ADARB2: variants seen among roughly 807,000 people sequenced by gnomAD.
ADARB2 encodes inactive double-stranded RNA-specific editase B2.
Under a neutral mutation model 62.2 loss-of-function variants are expected in ADARB2, and 25 were observed. That is an observed-to-expected ratio of 0.40 (90% CI 0.29 to 0.56). ADARB2 has a LOEUF of 0.56. Ranked by LOEUF, ADARB2 falls within the 20% of genes least tolerant of loss-of-function variation. The pLI is 0.43. For synonymous variants in ADARB2, 572 were observed against 500.8 expected, an observed-to-expected ratio of 1.14 and a Z score of -1.90; for missense variants, 1,071 against 1,077.4, an observed-to-expected ratio of 0.99 and a Z score of 0.08.
chr10:1,604,832 G>A (rs893734296), intron 1 of ADARB2, among the ~76,000 whole-genome samples: 3 of 152,254 alleles, frequency 2.0e-5, no homozygotes, highest in Non-Finnish European at 4.4e-5. Context: ...ACCACTTCTC[G>A]TGGTAAGTTT....
At chr10:1,689,670 T>C (rs1834644115) in intron 1 of ADARB2, among the ~76,000 whole-genome samples, 1 of 152,208 alleles carries the variant, frequency 6.6e-6, no homozygotes, top group South Asian at 2.1e-4. Context: ...ACTTGATGGG[T>C]GTTCAGGCTG....
chr10:1,281,146 T>C (rs932043050), intron 3 of ADARB2, among the ~76,000 whole-genome samples: 10 of 152,338 alleles, frequency 6.6e-5, no homozygotes, highest in African/African-American at 2.4e-4. Context: ...ATGATTGATT[T>C]GACATGTGTG....
chr10:1,203,067 G>T (rs1837008159), intron 7 of ADARB2, among the ~76,000 whole-genome samples: 1 of 152,118 alleles, frequency 6.6e-6, no homozygotes, highest in Non-Finnish European at 1.5e-5. Flanking sequence ...ATGAGCTGGA[G>T]AATTTTCAGC....
At chr10:1,551,581 T>G (rs1832622977) in intron 1 of ADARB2, among the ~76,000 whole-genome samples, 1 of 152,210 alleles carries the variant, frequency 6.6e-6, no homozygotes, top group Admixed American at 6.5e-5. Flanking sequence ...CTGGTAAAAC[T>G]TCCATTATTA....
rs114760507 is a variant in ADARB2 at position 1,359,666 on chromosome 10, T to C, written c.1077+3362A>G. On this transcript the variant is annotated intron_variant, in intron 3 of 9. Transcript: ENST00000381312. ...CACTATTGCAGGTCTCCGAGGGCCTTTGGGAGGCCCTGCTTCCTGCGAGCT... is the reference window on the plus strand; with the variant it reads ...CACTATTGCAGGTCTCCGAGGGCCTCTGGGAGGCCCTGCTTCCTGCGAGCT... Among the ~76,000 whole-genome samples the C allele has an allele frequency of 7.8e-3, 1,191 of 152,294 alleles. 8 individuals are homozygous for C. The highest frequency in any genetic ancestry group is 0.019 in the African/African-American group (794 of 41,564).
chr10:1,564,240 C>T (rs1832827768), intron 1 of ADARB2, among the ~76,000 whole-genome samples: 6 of 152,208 alleles, frequency 3.9e-5, no homozygotes, highest in Admixed American at 3.9e-4. Context: ...AGCTTACAGT[C>T]CCACCAACAG....
intron 1 of ADARB2, among the ~76,000 whole-genome samples, chr10:1,614,341 T>A (rs1261543584): frequency 6.6e-6 from 1 of 152,244 alleles, no homozygotes; most frequent in African/African-American, 2.4e-5. Context: ...ACTTTTAAAC[T>A]AGGCAAAGCA....
rs1836673174 is a variant in ADARB2 at position 1,181,332 on chromosome 10, T to G, written c.*1861A>C. 1 of 152,254 alleles carries G rather than the reference T, an allele frequency of 6.6e-6. No homozygotes were observed. Among genetic ancestry groups the G allele is most frequent in the Non-Finnish European group, 1.5e-5 (1 of 68,046 alleles). 9.4% of individuals were successfully genotyped at this position (152,254 alleles called of 1,614,324 possible). On this transcript the variant is annotated 3_prime_UTR_variant, in exon 10 of 10. Transcript: ENST00000381312. ...CCAGAACTTAATAGAAACTGGTCGT[T>G]TGAGCTTAGCTTTTGCACTGAATTA...
At chr10:1,595,180 C>G (rs930509564) in intron 1 of ADARB2, among the ~76,000 whole-genome samples, 55 of 152,302 alleles carry the variant, frequency 3.6e-4, no homozygotes, top group African/African-American at 1.2e-3. Context: ...TTTGAGCTGG[C>G]TTTTGGAAAA....
intron 1 of ADARB2, among the ~76,000 whole-genome samples, chr10:1,382,824 G>A (rs145448025): frequency 7.4e-4 from 113 of 152,096 alleles, no homozygotes; most frequent in African/African-American, 2.5e-3. Flanking sequence ...TAGAAGAGGC[G>A]GCTGGGCTGG....
At chr10:1,271,159 A>G in intron 3 of ADARB2, 90 bp from the exon 4 acceptor site, 1 of 1,069,600 alleles carries the variant, frequency 9.3e-7, no homozygotes. Flanking sequence ...TCACAGCCTC[A>G]TCCCCATGTG....
At position 1,327,172 on chromosome 10, in the gene ADARB2, T is replaced by A. The variant is rs370967214; in HGVS notation, c.1077+35856A>T. On this transcript the variant is annotated intron_variant, in intron 3 of 9. Transcript: ENST00000381312. Reference sequence around the variant, plus strand: ...CAGTGCCTCGTCACAGTTTAGTGCCTGCCCACAGTTCAGCGCCTCCCCAAG... The same window carrying A: ...CAGTGCCTCGTCACAGTTTAGTGCCAGCCCACAGTTCAGCGCCTCCCCAAG... Among the ~76,000 whole-genome samples the A allele has an allele frequency of 2.0e-4, 18 of 89,652 alleles. 2 individuals carry two copies. In the East Asian group the frequency reaches 5.3e-3, roughly 26 times the overall value. 58.8% of individuals were successfully genotyped at this position (89,652 alleles called of 152,430 possible).
At chr10:1,406,819 G>A (rs909864108) in intron 1 of ADARB2, among the ~76,000 whole-genome samples, 21 of 152,144 alleles carry the variant, frequency 1.4e-4, no homozygotes, top group East Asian at 3.9e-4. Context: ...ATTCCTGCAC[G>A]TCCCAGGACT....
At position 1,459,931 on chromosome 10, in the gene ADARB2, AGTTT is replaced by A. The variant is rs1831147431; in HGVS notation, c.101-80775_101-80772del. Reference sequence around the variant, plus strand: ...GTGCAGCAAACCTGCCTGTGACCTGAGTTTACCTGCGTTACGAACCTGCCTGTGA... The same window carrying A: ...GTGCAGCAAACCTGCCTGTGACCTGAACCTGCGTTACGAACCTGCCTGTGA... On this transcript the variant is annotated intron_variant, in intron 1 of 9. Coordinates refer to ENST00000381312, the MANE Select transcript of ADARB2 (RefSeq NM_018702.4). Among the ~76,000 whole-genome samples, 4 of 144,784 alleles carry A rather than the reference AGTTT, an allele frequency of 2.8e-5. No homozygotes were observed. The Admixed American group carries it at 2.8e-4, about 10-fold the overall frequency. 95.0% of individuals were successfully genotyped at this position (144,784 alleles called of 152,430 possible).
intron 1 of ADARB2, among the ~76,000 whole-genome samples, chr10:1,507,780 C>T (rs1203089704): frequency 3.3e-5 from 5 of 152,122 alleles, no homozygotes; most frequent in Non-Finnish European, 5.9e-5. Context: ...ATTAGGCATA[C>T]GCAGCTTTCC....
chr10:1,705,749 C>T (rs1468111422), intron 1 of ADARB2, among the ~76,000 whole-genome samples: 2 of 152,188 alleles, frequency 1.3e-5, no homozygotes, highest in South Asian at 2.1e-4. Flanking sequence ...CAATATTGTG[C>T]TGCTCTGAGG....
At chr10:1,418,273 C>T (rs1832822075) in intron 1 of ADARB2, among the ~76,000 whole-genome samples, 1 of 152,216 alleles carries the variant, frequency 6.6e-6, no homozygotes, top group Admixed American at 6.5e-5. Flanking sequence ...ATGAGCACCC[C>T]TGGAGTTCCC....
chr10:1,522,842 T>C lies in ADARB2; in HGVS notation c.101-143682A>G, dbSNP rs146557027. Among the ~76,000 whole-genome samples the C allele has an allele frequency of 3.5e-3, 531 of 152,330 alleles. 3 individuals carry two copies. The highest frequency in any genetic ancestry group is 4.9e-3 in the Non-Finnish European group (336 of 68,030). On this transcript the variant is annotated intron_variant, in intron 1 of 9. Coordinates refer to ENST00000381312, the MANE Select transcript of ADARB2 (RefSeq NM_018702.4). The stretch of plus-strand genomic sequence containing the variant: ...GTGCCTGCAGCTCAGGCCAGGCCCC[T>C]TCATGCTGGGCTCCAAGCTCACCAT...
intron 6 of ADARB2, among the ~76,000 whole-genome samples, chr10:1,228,786 G>C (rs1309419801): frequency 1.3e-5 from 2 of 152,222 alleles, no homozygotes; most frequent in East Asian, 3.8e-4. Flanking sequence ...ACAGAGCGGG[G>C]AGTCCAGCCA....
Sources: allele counts gnomAD v4.1 joint callset (sites outside exome capture counted in the v4.1 genomes callset), GRCh38; gene constraint gnomAD v4.1.1; transcripts MANE v1.5; gene names NCBI Gene and HGNC (gene_info 2026-07-23, HGNC 2026-07-21).